SUGCT: variants seen among roughly 807,000 people sequenced by gnomAD.
The protein encoded by SUGCT is succinyl-CoA:glutarate CoA-transferase.
Under a neutral mutation model 55.0 loss-of-function variants are expected in SUGCT, and 41 were observed. The observed-to-expected ratio is 0.74, with a 90% CI of 0.58 to 0.97. The LOEUF is 0.97. Ranked by LOEUF, SUGCT falls within the 50% of genes least tolerant of loss-of-function variation. SUGCT has a pLI of 0.00. For missense variants in SUGCT, 568 were observed against 547.8 expected, an observed-to-expected ratio of 1.04 and a Z score of -0.37; for synonymous variants, 187 against 200.4, an observed-to-expected ratio of 0.93 and a Z score of 0.56.
At chr7:40,719,526 C>T (rs1786205050) in intron 12 of SUGCT, among the ~76,000 whole-genome samples, 1 of 152,108 alleles carries the variant, frequency 6.6e-6, no homozygotes, top group African/African-American at 2.4e-5. Context: ...GGGACTTCTG[C>T]AAGCCACCAA....
chr7:40,619,217 C>G (rs986339564), intron 12 of SUGCT, among the ~76,000 whole-genome samples: 2 of 152,176 alleles, frequency 1.3e-5, no homozygotes, highest in African/African-American at 4.8e-5. Context: ...TCTTGCAATC[C>G]CATTTTAATA....
At chr7:40,780,123 C>T (rs926218742) in intron 13 of SUGCT, among the ~76,000 whole-genome samples, 5 of 152,104 alleles carry the variant, frequency 3.3e-5, no homozygotes, top group African/African-American at 7.2e-5. Context: ...CTTTTGTCTT[C>T]GGCTGGTGAT....
At chr7:40,441,522 GA>G (rs1326892692) in intron 9 of SUGCT, among the ~76,000 whole-genome samples, 2 of 152,078 alleles carry the variant, frequency 1.3e-5, no homozygotes, top group South Asian at 4.1e-4. Context: ...AGCAAATTTT[GA>G]AAAAGATATT....
At chr7:40,322,708 C>T (rs1016497589) in intron 9 of SUGCT, among the ~76,000 whole-genome samples, 5 of 152,066 alleles carry the variant, frequency 3.3e-5, no homozygotes, top group African/African-American at 1.2e-4. Context: ...GCCTGTAATC[C>T]CAGCACTACT....
the SUGCT span, among the ~76,000 whole-genome samples, chr7:40,973,915 A>T: frequency 6.6e-6 from 1 of 152,108 alleles, no homozygotes; most frequent in South Asian, 2.1e-4. Flanking sequence ...GATCTTACCC[A>T]TGCTTTTCCT....
intron 12 of SUGCT, among the ~76,000 whole-genome samples, chr7:40,574,150 T>C (rs74713248): frequency 0.025 from 3,747 of 152,192 alleles, 173 homozygotes; most frequent in African/African-American, 0.086. Context: ...AGCAAAACTT[T>C]CCCTGGATAC....
intron 13 of SUGCT, among the ~76,000 whole-genome samples, chr7:40,757,789 A>G (rs773947290): frequency 3.3e-5 from 5 of 152,190 alleles, no homozygotes; most frequent in Non-Finnish European, 5.9e-5. Context: ...AAATGATGGT[A>G]TACCGTTTTT....
At chr7:40,300,462 A>G (rs1794464587) in intron 8 of SUGCT, among the ~76,000 whole-genome samples, 1 of 152,250 alleles carries the variant, frequency 6.6e-6, no homozygotes, top group Non-Finnish European at 1.5e-5. Flanking sequence ...GATAACGATC[A>G]TTGTTGGATG....
intron 1 of SUGCT, among the ~76,000 whole-genome samples, chr7:40,149,073 G>C (rs1012742179): frequency 2.0e-5 from 3 of 152,036 alleles, no homozygotes; most frequent in African/African-American, 7.3e-5. Context: ...AGTCCTTGAG[G>C]TTTCTCCTTT....
At chr7:40,952,631 T>A in the SUGCT span, among the ~76,000 whole-genome samples, 3 of 152,200 alleles carry the variant, frequency 2.0e-5, no homozygotes, top group East Asian at 3.8e-4. Context: ...CTTCAGGAGC[T>A]CTTGTAGGGC....
chr7:40,597,601 CACAA>C (rs1223093189), intron 12 of SUGCT, among the ~76,000 whole-genome samples: 1 of 152,046 alleles, frequency 6.6e-6, no homozygotes, highest in Non-Finnish European at 1.5e-5. Flanking sequence ...GCCATGGTGC[CACAA>C]ACAGAGGGTT....
intron 12 of SUGCT, among the ~76,000 whole-genome samples, chr7:40,693,059 C>G (rs1457434826): frequency 2.0e-5 from 3 of 152,288 alleles, no homozygotes; most frequent in East Asian, 1.9e-4. Flanking sequence ...GGAGGGTCAT[C>G]AGGAGCTACT....
In SUGCT at chr7:40,295,798, T is replaced by G. The variant is rs76524492; in HGVS notation, c.721-20962T>G. 1.5e-3 allele frequency among the ~76,000 whole-genome samples: 235 copies of G among 152,308 alleles called. 1 individual carries two copies. Among genetic ancestry groups the G allele is most frequent in the African/African-American group, 5.4e-3 (226 of 41,562 alleles). Reference sequence around the variant, plus strand: ...TTGCCTATTTAGGTGCATAGATAAATTTTGCATTTTTTAACGCCTGCCCAG... The same window carrying G: ...TTGCCTATTTAGGTGCATAGATAAAGTTTGCATTTTTTAACGCCTGCCCAG... On this transcript the variant is annotated intron_variant, in intron 8 of 13. Transcript: ENST00000335693.
intron 12 of SUGCT, among the ~76,000 whole-genome samples, chr7:40,646,950 C>T (rs1370778472): frequency 6.6e-6 from 1 of 152,180 alleles, no homozygotes; most frequent in Non-Finnish European, 1.5e-5. Flanking sequence ...ATTCAGAAAT[C>T]AGGCATACCT....
At chr7:40,971,654 A>G in the SUGCT span, among the ~76,000 whole-genome samples, 7 of 152,184 alleles carry the variant, frequency 4.6e-5, no homozygotes, top group Admixed American at 3.9e-4. Flanking sequence ...TTGGCACCTC[A>G]GATTCTAAAT....
chr7:40,500,607 A>G (rs1792226150), intron 12 of SUGCT, among the ~76,000 whole-genome samples: 1 of 152,230 alleles, frequency 6.6e-6, no homozygotes, highest in East Asian at 1.9e-4. Context: ...AATATGTCAT[A>G]GAAACAGAGT....
intron 9 of SUGCT, among the ~76,000 whole-genome samples, chr7:40,423,691 A>G (rs929301958): frequency 2.0e-5 from 3 of 152,146 alleles, no homozygotes; most frequent in African/African-American, 7.2e-5. Flanking sequence ...ATGTGTTGCT[A>G]TCATAAACTA....
At chr7:40,184,531 C>T (rs1187301946) in intron 3 of SUGCT, among the ~76,000 whole-genome samples, 1 of 151,766 alleles carries the variant, frequency 6.6e-6, no homozygotes, top group Non-Finnish European at 1.5e-5. Context: ...CAGGGTCTTC[C>T]TATGTTGCCC....
At chr7:40,974,756 C>A in the SUGCT span, among the ~76,000 whole-genome samples, 2 of 152,144 alleles carry the variant, frequency 1.3e-5, no homozygotes. Flanking sequence ...CAAATGAATT[C>A]TCTGAAATCT....
Sources: gnomAD v4.1 joint callset for allele counts (sites outside exome capture counted in the v4.1 genomes callset) on GRCh38, gnomAD v4.1.1 for gene constraint, MANE v1.5 for transcripts, NCBI Gene and HGNC (gene_info 2026-07-23, HGNC 2026-07-21) for gene names.